The following COL8A1 variants were observed in gnomAD, a reference collection of about 807,000 sequenced individuals.
COL8A1 encodes the protein collagen type VIII alpha 1 chain.
In COL8A1, 21 loss-of-function variants were observed where a neutral mutation model predicts 42.7. That is an observed-to-expected ratio of 0.49 (90% CI 0.35 to 0.71). The LOEUF is 0.71. Among genes scored for constraint, COL8A1 ranks in the 30% least tolerant of loss-of-function variants. The pLI is 0.01. For synonymous variants in COL8A1, 367 were observed against 369.1 expected (o/e 0.99, Z 0.06); for missense variants, 788 against 962.4 (o/e 0.82, Z 2.40).
At chr3:99,687,453 A>G (rs1199301422) in intron 1 of COL8A1, among the ~76,000 whole-genome samples, 2 of 152,222 alleles carry the variant, frequency 1.3e-5, no homozygotes, top group East Asian at 1.9e-4. Context: ...AAACTTTCAC[A>G]TGTCACAAAT....
At chr3:99,722,238 A>ACATC (rs1349782819) in intron 1 of COL8A1, among the ~76,000 whole-genome samples, 1 of 152,180 alleles carries the variant, frequency 6.6e-6, no homozygotes, top group African/African-American at 2.4e-5. Flanking sequence ...GACAGGAAAC[A>ACATC]CATCCATGTG....
chr3:99,742,098 C>T (rs1327357952), intron 1 of COL8A1, among the ~76,000 whole-genome samples: 1 of 152,172 alleles, frequency 6.6e-6, no homozygotes, highest in African/African-American at 2.4e-5. Flanking sequence ...ACATCAAGGA[C>T]ATTACCAATT....
chr3:99,781,642 A>G (rs1368372505), intron 2 of COL8A1, among the ~76,000 whole-genome samples: 1 of 152,202 alleles, frequency 6.6e-6, no homozygotes, highest in East Asian at 1.9e-4. Flanking sequence ...AAAAGGCCTT[A>G]AAACACTTAT....
intron 1 of COL8A1, among the ~76,000 whole-genome samples, chr3:99,674,322 G>A (rs533321189): frequency 9.2e-5 from 14 of 151,962 alleles, no homozygotes; most frequent in Admixed American, 9.2e-4. Context: ...GGCAAGGAAT[G>A]CCTTGCTTAC....
chr3:99,638,990 A>G (rs558098254), intron 1 of COL8A1, among the ~76,000 whole-genome samples: 1 of 152,322 alleles, frequency 6.6e-6, no homozygotes, highest in East Asian at 1.9e-4. Context: ...CATATTTCAC[A>G]CATCAGTGGG....
rs1394730964 is a variant in COL8A1, at chr3:99,790,675, C to T, written c.-3-5C>T. 6 of 1,612,594 alleles carry T rather than the reference C, an allele frequency of 3.7e-6. No homozygotes were observed. The East Asian group carries it at 8.9e-5, about 24-fold the overall frequency. The stretch of plus-strand genomic sequence containing the variant: ...ACCAAGTTGGTGCATTGGTTCCTCC[C>T]ACAGGTGATGGCTGTGCTGCCTGGC... On this transcript the variant is annotated splice_region_variant and splice_polypyrimidine_tract_variant and intron_variant, in intron 2 of 3. Transcript: ENST00000652472.
intron 1 of COL8A1, among the ~76,000 whole-genome samples, chr3:99,744,120 C>T (rs975069903): frequency 6.6e-6 from 1 of 152,000 alleles, no homozygotes; most frequent in African/African-American, 2.4e-5. Context: ...TTAGTAGAGA[C>T]GGGGTTTCAC....
intron 2 of COL8A1, among the ~76,000 whole-genome samples, chr3:99,761,917 A>T (rs1296784940): frequency 3.3e-5 from 5 of 152,096 alleles, no homozygotes; most frequent in African/African-American, 4.8e-5. Flanking sequence ...GTTTCGTGGA[A>T]TTTTTATTAA....
At chr3:99,660,017 A>T (rs1464936577) in intron 1 of COL8A1, among the ~76,000 whole-genome samples, 1 of 152,236 alleles carries the variant, frequency 6.6e-6, no homozygotes, top group African/African-American at 2.4e-5. Flanking sequence ...TAGAGCCAAT[A>T]AACTAGAAAA....
At chr3:99,676,177 A>T (rs1938686892) in intron 1 of COL8A1, among the ~76,000 whole-genome samples, 1 of 152,112 alleles carries the variant, frequency 6.6e-6, no homozygotes, top group African/African-American at 2.4e-5. Flanking sequence ...AAAAAACTAA[A>T]TCATTTTTGT....
intron 1 of COL8A1, among the ~76,000 whole-genome samples, chr3:99,736,430 G>T (rs550589461): frequency 3.6e-4 from 55 of 151,966 alleles, no homozygotes; most frequent in Non-Finnish European, 6.8e-4. Flanking sequence ...TGTGCACATT[G>T]TGCAGGTTAG....
At position 99,794,488 on chromosome 3, in the gene COL8A1, A is replaced by C; in HGVS notation, c.587A>C (p.Gln196Pro). The change falls in exon 4 of 4, where the codon CAA (glutamine) becomes CCA (proline). Residue 196 changes from glutamine (Q) to proline (P), a missense_variant. Physicochemically the swap from Gln to Pro is moderately conservative, Grantham distance 76 (BLOSUM62 -1). Transcript: ENST00000652472. The surrounding 1 kb of genome is among the most constrained non-coding windows in gnomAD (Gnocchi z 4.3). ...EIGPMGIPGPQGPPGPHGLPG... is the reference protein window; with the variant it reads ...EIGPMGIPGPPGPPGPHGLPG... ...GGGCCTATGGGGATCCCAGGACCAC[A>C]AGGACCTCCAGGGCCTCATGGACTT... 1 of 1,613,992 alleles carries C rather than the reference A, an allele frequency of 6.2e-7. No individual in the cohort carries two copies. The highest frequency in any genetic ancestry group is 2.2e-5 in the East Asian group (1 of 44,862).
At chr3:99,743,813 A>G (rs1038407751) in intron 1 of COL8A1, among the ~76,000 whole-genome samples, 5 of 152,192 alleles carry the variant, frequency 3.3e-5, no homozygotes, top group African/African-American at 1.2e-4. Context: ...GAACTTACTA[A>G]ATTTGATACC....
chr3:99,668,059 A>G (rs185582944), intron 1 of COL8A1, among the ~76,000 whole-genome samples: 2 of 152,278 alleles, frequency 1.3e-5, no homozygotes, highest in Admixed American at 6.5e-5. Context: ...CTAAGCATTC[A>G]GTAAAAGGGA....
At chr3:99,681,402 C>A (rs566768014) in intron 1 of COL8A1, among the ~76,000 whole-genome samples, 2 of 152,048 alleles carry the variant, frequency 1.3e-5, no homozygotes, top group Non-Finnish European at 2.9e-5. Context: ...ATTTTCCATC[C>A]GTAAAATTTT....
chr3:99,781,462 T>C (rs1242937549), intron 2 of COL8A1, among the ~76,000 whole-genome samples: 3 of 152,230 alleles, frequency 2.0e-5, no homozygotes, highest in African/African-American at 7.2e-5. Context: ...GTTATATGAT[T>C]CAAAATAACC....
At chr3:99,731,696 G>T (rs1267775970) in intron 1 of COL8A1, among the ~76,000 whole-genome samples, 1 of 152,094 alleles carries the variant, frequency 6.6e-6, no homozygotes, top group African/African-American at 2.4e-5. Flanking sequence ...CAAGAAAACT[G>T]ACTCATTTGT....
chr3:99,714,658 T>G (rs1939944340), intron 1 of COL8A1, among the ~76,000 whole-genome samples: 3 of 152,112 alleles, frequency 2.0e-5, no homozygotes, highest in African/African-American at 7.2e-5. Context: ...CATCCATTCT[T>G]CATTCATTCA....
At chr3:99,711,090 T>C (rs1939821212) in intron 1 of COL8A1, among the ~76,000 whole-genome samples, 1 of 146,620 alleles carries the variant, frequency 6.8e-6, no homozygotes, top group African/African-American at 2.6e-5. Flanking sequence ...AGGCAATTTA[T>C]TGTGACAATT....
Sources: allele counts gnomAD v4.1 joint callset (sites outside exome capture counted in the v4.1 genomes callset), GRCh38; gene constraint gnomAD v4.1.1; non-coding constraint Gnocchi (gnomAD v3.1); transcripts MANE v1.5; gene names NCBI Gene and HGNC (gene_info 2026-07-23, HGNC 2026-07-21).